EBF3: variants seen among roughly 807,000 people sequenced by gnomAD.
The protein encoded by EBF3 is EBF transcription factor 3, also known as transcription factor COE3.
Under a neutral mutation model 77.1 loss-of-function variants are expected in EBF3, and 18 were observed. That is an observed-to-expected ratio of 0.23 (90% CI 0.16 to 0.35). The LOEUF (loss-of-function observed/expected upper bound fraction) is 0.35, where lower values mean the gene tolerates loss of function less well. EBF3 is among the 10% of genes least tolerant of loss of function. The pLI is 1.00. For missense variants in EBF3, 558 were observed against 860.0 expected (o/e 0.65, Z 4.39); for synonymous variants, 350 against 343.5 (o/e 1.02, Z -0.21).
rs1414362703 is a variant in EBF3 at position 129,851,454 on chromosome 10, CAT to C, written c.1040-2976_1040-2975del. On this transcript the variant is annotated intron_variant, in intron 10 of 16. Transcript: ENST00000440978. ...TAGCAGCATGCTTAGTCTCCGAACA[CAT>C]GTCACTGGGTTAAATTAATTTAAAC... 2.6e-5 allele frequency among the ~76,000 whole-genome samples: 4 copies of C among 152,278 alleles called. No homozygotes were observed. In the East Asian group the frequency reaches 7.7e-4, roughly 29 times the overall value.
At chr10:129,866,557 C>CA (rs1419831370) in intron 10 of EBF3, among the ~76,000 whole-genome samples, 2 of 152,256 alleles carry the variant, frequency 1.3e-5, no homozygotes, top group African/African-American at 4.8e-5. Flanking sequence ...TTCCTGCTGA[C>CA]AGGAGTCTGT....
intron 4 of EBF3, among the ~76,000 whole-genome samples, 155 bp downstream of exon 4, chr10:129,962,016 T>C (rs1859562466): frequency 6.6e-6 from 1 of 152,230 alleles, no homozygotes; most frequent in Admixed American, 6.5e-5. Context: ...AATCGCTTCA[T>C]TCATTCCAAT....
intron 10 of EBF3, among the ~76,000 whole-genome samples, chr10:129,851,658 C>A (rs1002893423): frequency 2.0e-5 from 3 of 152,106 alleles, no homozygotes; most frequent in African/African-American, 4.8e-5. Context: ...GTAATTAGTG[C>A]CCATTATTTG....
At chr10:129,932,555 G>A (rs1013204268) in intron 6 of EBF3, among the ~76,000 whole-genome samples, 1 of 152,198 alleles carries the variant, frequency 6.6e-6, no homozygotes, top group Non-Finnish European at 1.5e-5. Context: ...ATTTCCAAGG[G>A]CAGGACAGAC....
At chr10:129,851,943 G>A (rs1375520790) in intron 10 of EBF3, among the ~76,000 whole-genome samples, 1 of 152,202 alleles carries the variant, frequency 6.6e-6, no homozygotes, top group Non-Finnish European at 1.5e-5. Flanking sequence ...GCGGCCTAAT[G>A]CATAGTAATT....
chr10:129,941,575 G>A (rs554311755), intron 6 of EBF3, among the ~76,000 whole-genome samples: 3 of 152,200 alleles, frequency 2.0e-5, no homozygotes, highest in South Asian at 4.1e-4. Context: ...AAAGGGTCAG[G>A]GGGGAGCCCT....
chr10:129,877,604 TTAAAGCATTTTA>T (rs1433073272), intron 7 of EBF3, among the ~76,000 whole-genome samples, 152 bp downstream of exon 7: 1 of 152,214 alleles, frequency 6.6e-6, no homozygotes, highest in African/African-American at 2.4e-5. Context: ...CAGATCATTC[TTAAAGCATTTTA>T]TTTGCATATT....
At chr10:129,851,859 C>T (rs1188476075) in intron 10 of EBF3, among the ~76,000 whole-genome samples, 2 of 152,168 alleles carry the variant, frequency 1.3e-5, no homozygotes, top group Non-Finnish European at 2.9e-5. Context: ...AGTGGAGGGC[C>T]TTTTATCTGT....
intron 10 of EBF3, among the ~76,000 whole-genome samples, chr10:129,860,145 G>A (rs1851516655): frequency 6.6e-6 from 1 of 152,080 alleles, no homozygotes; most frequent in African/African-American, 2.4e-5. Context: ...TTCTCCCACA[G>A]TCCCACACCA....
chr10:129,876,173 T>A (rs1852758777), intron 7 of EBF3, among the ~76,000 whole-genome samples: 1 of 152,166 alleles, frequency 6.6e-6, no homozygotes, highest in African/African-American at 2.4e-5. Context: ...AGAAAGCTGC[T>A]GAGATTGTGA....
intron 6 of EBF3, among the ~76,000 whole-genome samples, chr10:129,888,845 CTTGAAA>C (rs1020074811): frequency 2.6e-5 from 4 of 152,236 alleles, no homozygotes; most frequent in Admixed American, 2.0e-4. Flanking sequence ...AATTGCTAAC[CTTGAAA>C]TTAAAATATT....
intron 6 of EBF3, among the ~76,000 whole-genome samples, chr10:129,918,643 C>T (rs548643644): frequency 3.9e-5 from 6 of 152,338 alleles, no homozygotes; most frequent in South Asian, 2.1e-4. Context: ...TGCCCTACCC[C>T]CCTCCCCAGC....
chr10:129,894,877 G>T (rs755558992), intron 6 of EBF3, among the ~76,000 whole-genome samples: 2 of 152,234 alleles, frequency 1.3e-5, no homozygotes, highest in Non-Finnish European at 2.9e-5. Context: ...CAGAGGGACA[G>T]AGTCTCCTGC....
chr10:129,915,500 A>C (rs1019072709), intron 6 of EBF3, among the ~76,000 whole-genome samples: 7 of 39,630 alleles, frequency 1.8e-4, no homozygotes, highest in Non-Finnish European at 2.8e-4. Flanking sequence ...ACACACACAA[A>C]AAAGCCAAGA....
At chr10:129,892,012 G>C (rs1854051102) in intron 6 of EBF3, among the ~76,000 whole-genome samples, 1 of 152,224 alleles carries the variant, frequency 6.6e-6, no homozygotes, top group Admixed American at 6.5e-5. Context: ...GCTGTTAAGG[G>C]AGATTGATGG....
At position 129,842,267 on chromosome 10, in the gene EBF3, G is replaced by A. The variant is rs1173442663; in HGVS notation, c.1221C>T (p.Asp407=). The part of the protein sequence containing the change: ...NQEIILKRAA[D]IAEALYSVPR... ...GAACGCTGTACAGCGCCTCGGCGAT[G>A]TCCGCCGCTCGCTTCAAGATGATCT... The change falls in exon 13 of 17, where the codon GAC becomes GAT. Residue 407 remains aspartate (D), a synonymous_variant. Transcript: ENST00000440978. The surrounding 1 kb of genome is among the most constrained non-coding windows in gnomAD (Gnocchi z 4.4). The A allele has an allele frequency of 6.2e-7, 1 of 1,607,676 alleles. No homozygotes were observed.
At chr10:129,939,340 C>G (rs1162088991) in intron 6 of EBF3, among the ~76,000 whole-genome samples, 2 of 152,198 alleles carry the variant, frequency 1.3e-5, no homozygotes, top group Admixed American at 1.3e-4. Flanking sequence ...AGGGTGAAAT[C>G]TGAAAACAGC....
At chr10:129,860,558 T>G (rs1851548087) in intron 10 of EBF3, among the ~76,000 whole-genome samples, 1 of 152,178 alleles carries the variant, frequency 6.6e-6, no homozygotes, top group South Asian at 2.1e-4. Context: ...GAGCAGCCAA[T>G]CGGGGTGCAG....
chr10:129,862,426 G>T (rs1055036066), intron 10 of EBF3, among the ~76,000 whole-genome samples: 4 of 152,104 alleles, frequency 2.6e-5, no homozygotes, highest in African/African-American at 9.7e-5. Context: ...TCAGTCTGTC[G>T]CAGACAACAT....
Sources: allele counts gnomAD v4.1 joint callset (sites outside exome capture counted in the v4.1 genomes callset), GRCh38; gene constraint gnomAD v4.1.1; non-coding constraint Gnocchi (gnomAD v3.1); transcripts MANE v1.5; gene names NCBI Gene and HGNC (gene_info 2026-07-23, HGNC 2026-07-21).